Variants in ANK3 observed in about 807,000 individuals in gnomAD.
The protein encoded by ANK3 is ankyrin 3.
A neutral mutation model predicts 370.9 loss-of-function variants in ANK3; 57 were observed. The observed-to-expected ratio is 0.15, with a 90% CI of 0.12 to 0.19. ANK3 has a LOEUF of 0.19. ANK3 is among the 10% of genes least tolerant of loss of function. The pLI is 1.00. For missense variants in ANK3, 4,439 were observed against 5,302.1 expected, an observed-to-expected ratio of 0.84 and a Z score of 5.06; for synonymous variants, 1,929 against 1,946.3, an observed-to-expected ratio of 0.99 and a Z score of 0.23.
chr10:60,191,118 A>G (rs984764481), intron 16 of ANK3, among the ~76,000 whole-genome samples: 2 of 152,234 alleles, frequency 1.3e-5, no homozygotes, highest in African/African-American at 4.8e-5. Context: ...GTAATACCTG[A>G]AATCATATGA....
rs375446937 is a variant in ANK3, at chr10:60,365,439, CA to C, written c.114+23985del. On this transcript the variant is annotated intron_variant, in intron 1 of 43. Transcript: ENST00000280772. Reference sequence around the variant, plus strand: ...AATCTCTAAAACAATAAAGGGCAATCAATCTGCTCTTAAAAGGGAAAATTGA... The same window carrying C: ...AATCTCTAAAACAATAAAGGGCAATCATCTGCTCTTAAAAGGGAAAATTGA... Among the ~76,000 whole-genome samples, 220 of 152,254 alleles carry C rather than the reference CA, an allele frequency of 1.4e-3. 1 individual carries two copies. The highest frequency in any genetic ancestry group is 5.2e-3 in the African/African-American group (215 of 41,548).
intron 1 of ANK3, among the ~76,000 whole-genome samples, chr10:60,335,095 G>T (rs1046650305): frequency 1.3e-5 from 2 of 152,100 alleles, no homozygotes; most frequent in Non-Finnish European, 2.9e-5. Context: ...AGAAAAATGT[G>T]CATGCGTGTG....
At chr10:60,570,716 C>T (rs1214057435) in intron 2 of ANK3, among the ~76,000 whole-genome samples, 2 of 152,056 alleles carry the variant, frequency 1.3e-5, no homozygotes, top group South Asian at 2.1e-4. Context: ...TAAGAGTGCC[C>T]TAGCAGCAGT....
chr10:60,367,661 TAGGGTGATAGA>T (rs2059571793), intron 1 of ANK3, among the ~76,000 whole-genome samples: 2 of 152,108 alleles, frequency 1.3e-5, no homozygotes, highest in Non-Finnish European at 2.9e-5. Context: ...ATTAGGCTGG[TAGGGTGATAGA>T]AGCAGAACTA....
At chr10:60,387,491 T>C (rs879401374) in intron 1 of ANK3, among the ~76,000 whole-genome samples, 2 of 152,216 alleles carry the variant, frequency 1.3e-5, no homozygotes, top group East Asian at 1.9e-4. Flanking sequence ...ATATCTTCTG[T>C]AATACACTGT....
chr10:60,358,264 T>C (rs893299287), intron 1 of ANK3, among the ~76,000 whole-genome samples: 1 of 152,170 alleles, frequency 6.6e-6, no homozygotes, highest in South Asian at 2.1e-4. Flanking sequence ...TTAACCCACC[T>C]AGCAAGACTG....
chr10:60,456,412 A>G (rs1020948423), intron 2 of ANK3, among the ~76,000 whole-genome samples: 6 of 152,208 alleles, frequency 3.9e-5, no homozygotes, highest in Admixed American at 3.9e-4. Context: ...TTTCCCCATG[A>G]GTAAGAAAAT....
intron 2 of ANK3, among the ~76,000 whole-genome samples, chr10:60,571,442 A>G (rs989569484): frequency 6.6e-6 from 1 of 152,196 alleles, no homozygotes; most frequent in Non-Finnish European, 1.5e-5. Flanking sequence ...TACTATAGCC[A>G]CCATTCTGTA....
chr10:60,252,992 A>C (rs192364103), intron 7 of ANK3, among the ~76,000 whole-genome samples: 2 of 152,350 alleles, frequency 1.3e-5, no homozygotes, highest in African/African-American at 4.8e-5. Flanking sequence ...TCATTCAATC[A>C]TCACATTGAT....
At position 60,072,444 on chromosome 10, in the gene ANK3, T is replaced by C. The variant is rs1270188992; in HGVS notation, c.8437A>G (p.Arg2813Gly). 1 of 1,614,108 alleles carries C rather than the reference T, an allele frequency of 6.2e-7. No homozygotes were observed. The highest frequency in any genetic ancestry group is 1.7e-5 in the Admixed American group (1 of 60,016). Residue 2813 changes from arginine to glycine, a missense_variant, in exon 37 of 44, where the codon AGA becomes GGA. Arg to Gly is a moderately radical substitution (Grantham distance 125). This residue lies in a region of ANK3 where 1,601 missense variants were observed against 1,731.7 expected (regional missense o/e 0.92). Coordinates refer to ENST00000280772, the MANE Select transcript of ANK3 (RefSeq NM_020987.5). ...ATTGCTTTACTTGACATTTCAGTTCTCTGTTTTTTCACATTATCAGAGCCA... is the reference window on the plus strand; with the variant it reads ...ATTGCTTTACTTGACATTTCAGTTCCCTGTTTTTTCACATTATCAGAGCCA... ...DSGSDNVKKQRTEMSSKAMPD... is the reference protein window; with the variant it reads ...DSGSDNVKKQGTEMSSKAMPD...
chr10:60,605,594 C>T (rs960575880), intron 2 of ANK3, among the ~76,000 whole-genome samples: 1 of 152,106 alleles, frequency 6.6e-6, no homozygotes, highest in African/African-American at 2.4e-5. Context: ...AAGTCCAGGC[C>T]ACCAAGGAAC....
At position 60,056,044 on chromosome 10, in the gene ANK3, A is replaced by G. The variant is rs756035473; in HGVS notation, c.12687-8T>C. On this transcript the variant is annotated splice_polypyrimidine_tract_variant and splice_region_variant and intron_variant, in intron 41 of 43. Coordinates refer to ENST00000280772, the MANE Select transcript of ANK3 (RefSeq NM_020987.5). The stretch of plus-strand genomic sequence containing the variant: ...TCTCTACACTGGTCAGGGCTGCAAC[A>G]GAAAATTTGCAAATTCACAATGGCA... 3 of 1,584,958 alleles carry G rather than the reference A, an allele frequency of 1.9e-6. No homozygotes were observed. Among genetic ancestry groups the G allele is most frequent in the Non-Finnish European group, 8.5e-7 (1 of 1,169,936 alleles).
At chr10:60,193,098 A>T (rs1484133658) in intron 16 of ANK3, among the ~76,000 whole-genome samples, 1 of 152,204 alleles carries the variant, frequency 6.6e-6, no homozygotes, top group Non-Finnish European at 1.5e-5. Context: ...GACATGTGCC[A>T]GAGATGGCAT....
chr10:60,075,540 A>G lies in ANK3; in HGVS notation c.5341T>C (p.Tyr1781His), dbSNP rs752017482. 2.6e-5 allele frequency: 42 copies of G among 1,613,884 alleles called. No individual in the cohort carries two copies. Among genetic ancestry groups the G allele is most frequent in the East Asian group, 2.5e-4 (11 of 44,892 alleles). The part of the protein sequence containing the change: ...TAMPFSPLRS[Y>H]VSAAPSAFQS... The stretch of plus-strand genomic sequence containing the variant: ...AAAGCTGATGGTGCTGCAGAAACAT[A>G]TGACCTGAGTGGGGAAAATGGCATT... The change falls in exon 37 of 44, where the codon TAT (tyrosine) becomes CAT (histidine). Residue 1781 changes from tyrosine to histidine, a missense_variant. By Grantham distance (83) the Tyr-to-His change is moderately conservative. Coordinates refer to ENST00000280772, the MANE Select transcript of ANK3 (RefSeq NM_020987.5).
chr10:60,350,871 CTT>C (rs1413266855), intron 1 of ANK3, among the ~76,000 whole-genome samples: 25 of 152,038 alleles, frequency 1.6e-4, no homozygotes, highest in Non-Finnish European at 3.1e-4. Context: ...TCCCTGTGCC[CTT>C]TGATACTTCC....
At chr10:60,253,844 C>A (rs1383580448) in intron 7 of ANK3, among the ~76,000 whole-genome samples, 1 of 151,968 alleles carries the variant, frequency 6.6e-6, no homozygotes, top group Non-Finnish European at 1.5e-5. Context: ...AAAATATGTA[C>A]CAATAAAAAA....
chr10:60,495,454 A>C (rs1435116750), intron 2 of ANK3, among the ~76,000 whole-genome samples: 2 of 152,212 alleles, frequency 1.3e-5, no homozygotes, highest in Non-Finnish European at 2.9e-5. Context: ...GCACACTTCT[A>C]GAGTATCCTC....
At chr10:60,163,532 A>G (rs151192535) in intron 23 of ANK3, among the ~76,000 whole-genome samples, 1 of 152,294 alleles carries the variant, frequency 6.6e-6, no homozygotes, top group Admixed American at 6.5e-5. Flanking sequence ...TTTTTTGAGA[A>G]ATGAATCCAA....
chr10:60,210,938 C>T (rs938728900), intron 9 of ANK3, among the ~76,000 whole-genome samples: 2 of 152,012 alleles, frequency 1.3e-5, no homozygotes, highest in Non-Finnish European at 2.9e-5. Flanking sequence ...GCTGTAAATC[C>T]CCCCACAATA....
Sources: allele counts gnomAD v4.1 joint callset (sites outside exome capture counted in the v4.1 genomes callset), GRCh38; gene constraint gnomAD v4.1.1; regional missense constraint gnomAD v4.1.1; transcripts MANE v1.5; gene names NCBI Gene and HGNC (gene_info 2026-07-23, HGNC 2026-07-21).